DMD: variants seen among roughly 807,000 people sequenced by gnomAD.
The protein encoded by DMD is dystrophin, also known as mutant dystrophin.
In DMD, 63 loss-of-function variants were observed where a neutral mutation model predicts 330.1. That is an observed-to-expected ratio of 0.19 (90% CI 0.16 to 0.24). The LOEUF is 0.24. Ranked by LOEUF, DMD falls within the 10% of genes least tolerant of loss-of-function variation. The pLI is 1.00. For missense variants in DMD, 3,344 were observed against 2,684.1 expected (o/e 1.25, Z -5.43); for synonymous variants, 1,223 against 959.8 (o/e 1.27, Z -5.07).
chrX:31,821,061 G>T (rs960863003), intron 49 of DMD, among the ~76,000 whole-genome samples: 1 of 112,735 alleles, frequency 8.9e-6, no homozygotes, highest in Non-Finnish European at 1.9e-5. Flanking sequence ...TTGTTTGTCA[G>T]TTTGGGGCTG....
At chrX:32,301,652 C>T (rs2097524251) in intron 42 of DMD, among the ~76,000 whole-genome samples, 1 of 110,031 alleles carries the variant, frequency 9.1e-6, no homozygotes, top group South Asian at 3.8e-4. Flanking sequence ...TTTTAAATGG[C>T]AAAGGAAAGA....
intron 61 of DMD, among the ~76,000 whole-genome samples, chrX:31,341,885 G>GCACACACACACA (rs1569529194): frequency 1.5e-5 from 1 of 66,906 alleles, no homozygotes; most frequent in African/African-American, 6.4e-5. Context: ...GCGTGCGTGC[G>GCACACACACACA]CGCGCGCACA....
intron 2 of DMD, among the ~76,000 whole-genome samples, chrX:32,964,091 A>C (rs750103341): frequency 5.5e-5 from 6 of 108,357 alleles, no homozygotes; most frequent in Non-Finnish European, 1.1e-4. Flanking sequence ...CCCCGTCTCT[A>C]CTAAAAATAC....
chrX:31,235,490 A>G (rs2047639158), intron 63 of DMD, among the ~76,000 whole-genome samples: 1 of 112,449 alleles, frequency 8.9e-6, no homozygotes, highest in Non-Finnish European at 1.9e-5. Context: ...TACTTGAGGG[A>G]AAAAAGATGA....
Position 32,873,655 on chromosome X carries a change from A to G in DMD, c.94-23835T>C. 3.6e-5 allele frequency among the ~76,000 whole-genome samples: 4 copies of G among 112,097 alleles called. 1 individual carries two copies. The South Asian group carries it at 1.5e-3, about 41-fold the overall frequency. On this transcript the variant is annotated intron_variant, in intron 2 of 78. Transcript: ENST00000357033. The stretch of plus-strand genomic sequence containing the variant: ...GTCCCCTATTCTGTGTCTAGAATCT[A>G]AATAAGGCTAGGAAAAAATGCAAAC...
At chrX:31,672,313 T>C (rs1413717287) in intron 53 of DMD, among the ~76,000 whole-genome samples, 1 of 112,321 alleles carries the variant, frequency 8.9e-6, no homozygotes, top group African/African-American at 3.2e-5. Context: ...TTTTATGACC[T>C]AGCATATGGC....
At chrX:32,380,965 A>T (rs1262201066) in intron 33 of DMD, among the ~76,000 whole-genome samples, 1 of 110,936 alleles carries the variant, frequency 9.0e-6, no homozygotes, top group Admixed American at 9.7e-5. Flanking sequence ...GCCAAAGTTT[A>T]TGATAAATAC....
At chrX:31,348,423 G>T in intron 61 of DMD, 133 bp downstream of exon 61, 1 of 620,736 alleles carries the variant, frequency 1.6e-6, no homozygotes, top group Non-Finnish European at 2.6e-6. Flanking sequence ...TATATTTCAG[G>T]ATGATTTATG....
At chrX:32,620,889 T>A (rs1232389700) in intron 11 of DMD, among the ~76,000 whole-genome samples, 1 of 111,747 alleles carries the variant, frequency 8.9e-6, no homozygotes, top group Admixed American at 9.5e-5. Flanking sequence ...GGGAACAGTG[T>A]CCTCGCAGAA....
At chrX:32,320,486 A>G (rs2148660134) in intron 41 of DMD, among the ~76,000 whole-genome samples, 1 of 112,057 alleles carries the variant, frequency 8.9e-6, no homozygotes, top group East Asian at 2.8e-4. Flanking sequence ...CAGTAGCCTC[A>G]ATAGCTACTT....
intron 62 of DMD, among the ~76,000 whole-genome samples, chrX:31,310,959 T>C (rs1164085281): frequency 1.8e-5 from 2 of 111,517 alleles, no homozygotes; most frequent in East Asian, 2.8e-4. Flanking sequence ...TGAGTCATTA[T>C]GAGAAAAAGT....
intron 49 of DMD, among the ~76,000 whole-genome samples, chrX:31,823,059 G>A (rs1169351597): frequency 9.0e-6 from 1 of 111,508 alleles, no homozygotes; most frequent in Non-Finnish European, 1.9e-5. Flanking sequence ...TAGATTGTAC[G>A]ACCCAACCCC....
At chrX:31,610,986 G>T (rs928867485) in intron 55 of DMD, among the ~76,000 whole-genome samples, 2 of 110,830 alleles carry the variant, frequency 1.8e-5, no homozygotes, top group Admixed American at 1.9e-4. Context: ...TGGAGATGGG[G>T]ATACCAAATG....
In DMD at chrX:32,491,432, G is replaced by A; in HGVS notation, c.2467C>T (p.Leu823Phe). The change falls in exon 20 of 79, where the codon CTT (leucine) becomes TTT (phenylalanine). Residue 823 changes from leucine to phenylalanine, a missense_variant. Leu to Phe is a conservative substitution (Grantham distance 22, BLOSUM62 0). Transcript: ENST00000357033. ...TTGTTCTGATACTCCAGCCAGTTAA[G>A]TCTCTCACTTAGCAACTGGCAGAAT... ...IEFCQLLSER[L>F]NWLEYQNNII... The A allele has an allele frequency of 8.3e-7, 1 of 1,211,285 alleles. No individual in the cohort carries two copies. Among genetic ancestry groups the A allele is most frequent in the Non-Finnish European group, 1.1e-6 (1 of 895,124 alleles).
chrX:32,643,602 CT>C (rs968501336), intron 11 of DMD, among the ~76,000 whole-genome samples: 4 of 111,342 alleles, frequency 3.6e-5, no homozygotes, highest in African/African-American at 1.3e-4. Flanking sequence ...CTCAAATCCT[CT>C]TTTTTATTAA....
chrX:33,093,472 A>G (rs2095112651), intron 1 of DMD, among the ~76,000 whole-genome samples: 1 of 111,937 alleles, frequency 8.9e-6, no homozygotes. Flanking sequence ...ACTGTTTTTA[A>G]TTAAAATTTG....
chrX:31,715,542 CAAAAAAAAAA>C (rs34808252), intron 52 of DMD, among the ~76,000 whole-genome samples: 1 of 50,527 alleles, frequency 2.0e-5, no homozygotes, highest in Non-Finnish European at 3.6e-5. Flanking sequence ...AACTCCGTCT[CAAAAAAAAAA>C]AAAAAAAAAA....
intron 62 of DMD, among the ~76,000 whole-genome samples, chrX:31,289,282 AT>A (rs2053498662): frequency 9.8e-5 from 8 of 81,455 alleles, no homozygotes; most frequent in African/African-American, 4.6e-4. Flanking sequence ...ATAAAATAAA[AT>A]CCATCTCAAA....
intron 9 of DMD, among the ~76,000 whole-genome samples, chrX:32,656,232 C>T (rs1163498753): frequency 1.8e-5 from 2 of 111,815 alleles, no homozygotes; most frequent in East Asian, 5.7e-4. Context: ...CTCTCTTCTT[C>T]GTCCTCCCTC....
Sources: allele counts gnomAD v4.1 joint callset (sites outside exome capture counted in the v4.1 genomes callset), GRCh38; gene constraint gnomAD v4.1.1; transcripts MANE v1.5; gene names NCBI Gene and HGNC (gene_info 2026-07-23, HGNC 2026-07-21).